NDUFS1: variants seen among roughly 807,000 people sequenced by gnomAD.
NDUFS1 encodes NADH-ubiquinone oxidoreductase 75 kDa subunit, mitochondrial.
NDUFS1 carries 61 observed loss-of-function variants against 84.4 expected under a neutral mutation model. The observed-to-expected ratio is 0.72, with a 90% CI of 0.59 to 0.89. NDUFS1 has a LOEUF of 0.89. NDUFS1 is among the 40% of genes least tolerant of loss of function. The pLI is 0.00. For synonymous variants in NDUFS1, 275 were observed against 290.0 expected, an observed-to-expected ratio of 0.95 and a Z score of 0.53; for missense variants, 891 against 890.0, an observed-to-expected ratio of 1.00 and a Z score of -0.01.
intron 6 of NDUFS1, 25 bp from the exon 7 acceptor site, chr2:206,147,686 A>C: frequency 6.2e-7 from 1 of 1,614,116 alleles, no homozygotes. Flanking sequence ...GAAAGAGTCA[A>C]TCTCATGCTG....
Position 206,131,011 on chromosome 2 carries a change from T to C in NDUFS1, c.1554-769A>G, listed in dbSNP as rs193133689. On this transcript the variant is annotated intron_variant, in intron 14 of 18. Transcript: ENST00000233190. Reference sequence around the variant, plus strand: ...CTTATAGAAATTTTTTCTACGAATATATATTACTCTTATAAGCACAAAATA... The same window carrying C: ...CTTATAGAAATTTTTTCTACGAATACATATTACTCTTATAAGCACAAAATA... Among the ~76,000 whole-genome samples the C allele has an allele frequency of 8.3e-4, 126 of 152,314 alleles. 1 individual carries two copies. The highest frequency in any genetic ancestry group is 6.3e-3 in the Admixed American group (96 of 15,294).
chr2:206,131,482 T>C (rs1691508376), intron 14 of NDUFS1, among the ~76,000 whole-genome samples: 1 of 152,130 alleles, frequency 6.6e-6, no homozygotes, highest in South Asian at 2.1e-4. Flanking sequence ...GTATTCACAG[T>C]ATAATTTCAC....
At chr2:206,143,855 T>A (rs1039213672) in intron 10 of NDUFS1, among the ~76,000 whole-genome samples, 163 bp downstream of exon 10, 3 of 152,198 alleles carry the variant, frequency 2.0e-5, no homozygotes, top group African/African-American at 7.2e-5. Flanking sequence ...AATAGCATAA[T>A]ATCTAGCATA....
At chr2:206,135,951 CAT>C (rs1237659494) in intron 13 of NDUFS1, among the ~76,000 whole-genome samples, 2 of 151,976 alleles carry the variant, frequency 1.3e-5, no homozygotes, top group Non-Finnish European at 2.9e-5. Flanking sequence ...CACACAATCA[CAT>C]GTGAGCAAGC....
chr2:206,138,467 C>G lies in NDUFS1; in HGVS notation c.1392+18G>C, dbSNP rs369413349. 1 of 1,610,020 alleles carries G rather than the reference C, an allele frequency of 6.2e-7. No individual in the cohort carries two copies. The highest frequency in any genetic ancestry group is 1.1e-5 in the South Asian group (1 of 90,982). On this transcript the variant is annotated intron_variant, in intron 13 of 18. Coordinates refer to ENST00000233190, the MANE Select transcript of NDUFS1 (RefSeq NM_005006.7). ...AATTAAAAATCAACAAGAGTAGATA[C>G]ACATAAGTTGAGAGCACCTGGCTAA...
chr2:206,156,694 A>C (rs1476682442), intron 1 of NDUFS1, among the ~76,000 whole-genome samples: 4 of 152,256 alleles, frequency 2.6e-5, no homozygotes, highest in Non-Finnish European at 5.9e-5. Flanking sequence ...GGTTTTAAGC[A>C]CAAAATTCTG....
In NDUFS1 at chr2:206,144,904, G is replaced by C. The variant is rs863224096; in HGVS notation, c.860C>G (p.Ser287Cys). The change falls in exon 9 of 19, where the codon TCT becomes TGT. Residue 287 changes from serine to cysteine, a missense_variant. Ser to Cys is a moderately radical substitution (Grantham distance 112). Transcript: ENST00000233190. ...ATATAGCATATACCTGGTTTTATCA[G>C]AGATCCACTCTTCATTGATGTCCTC... ...MHEDINEEWI[S>C]DKTRFAYDGL... 6.2e-7 allele frequency: 1 copy of C among 1,613,976 alleles called. No homozygotes were observed. Among genetic ancestry groups the C allele is most frequent in the Non-Finnish European group, 8.5e-7 (1 of 1,179,962 alleles).
chr2:206,153,952 G>A (rs866306308), intron 1 of NDUFS1, among the ~76,000 whole-genome samples: 7 of 152,222 alleles, frequency 4.6e-5, no homozygotes, highest in African/African-American at 1.4e-4. Flanking sequence ...AAAAAAAAAT[G>A]ACATAGAAAG....
intron 13 of NDUFS1, 80 bp downstream of exon 13, chr2:206,138,405 A>G (rs968417405): frequency 1.3e-6 from 2 of 1,512,916 alleles, no homozygotes; most frequent in Non-Finnish European, 1.8e-6. Context: ...ACACTTACAT[A>G]GGATTATTAC....
chr2:206,122,633 A>AAAAAAAAAAAAAAC lies in NDUFS1; in HGVS notation c.*1551_*1552insGTTTTTTTTTTTTT, dbSNP rs1691133662. ...TGACAGAGTAAGACTCCATCTCAAA[A>AAAAAAAAAAAAAAC]AAAAAAAAAAAACAAAGGGAAAAAG... is the stretch of plus-strand genomic sequence containing the variant. On this transcript the variant is annotated 3_prime_UTR_variant, in exon 19 of 19. Coordinates refer to ENST00000233190, the MANE Select transcript of NDUFS1 (RefSeq NM_005006.7). 6.6e-6 allele frequency: 1 copy of AAAAAAAAAAAAAAC among 151,332 alleles called. No homozygotes were observed. Among genetic ancestry groups the AAAAAAAAAAAAAAC allele is most frequent in the African/African-American group, 2.4e-5 (1 of 41,104 alleles). 9.4% of individuals were successfully genotyped at this position (151,332 alleles called of 1,614,324 possible).
At chr2:206,146,702 T>A (rs968547603) in intron 8 of NDUFS1, among the ~76,000 whole-genome samples, 2 of 152,214 alleles carry the variant, frequency 1.3e-5, no homozygotes, top group Non-Finnish European at 2.9e-5. Context: ...ACTTTAGAAT[T>A]AATTTCCAAG....
At chr2:206,128,090 A>G in intron 15 of NDUFS1, 118 bp from the exon 16 acceptor site, 1 of 1,125,750 alleles carries the variant, frequency 8.9e-7, no homozygotes, top group Non-Finnish European at 1.3e-6. Flanking sequence ...AAGTTTTTAA[A>G]ACTAAAATGA....
In NDUFS1 at chr2:206,152,519, C is replaced by T. The variant is rs754254930; in HGVS notation, c.62-9G>A. 5 of 1,612,398 alleles carry T rather than the reference C, an allele frequency of 3.1e-6. No individual in the cohort carries two copies. Among genetic ancestry groups the T allele is most frequent in the Non-Finnish European group, 4.2e-6 (5 of 1,178,496 alleles). ...TGTGGCAGTTGTTCGAACTGACCAT[C>T]AAAGATATTGAAGCGAAAAACAGAT... On this transcript the variant is annotated splice_polypyrimidine_tract_variant and intron_variant, in intron 2 of 18. Coordinates refer to ENST00000233190, the MANE Select transcript of NDUFS1 (RefSeq NM_005006.7).
intron 12 of NDUFS1, among the ~76,000 whole-genome samples, chr2:206,139,962 C>CA (rs1304240115): frequency 7.7e-6 from 1 of 130,120 alleles, no homozygotes; most frequent in Non-Finnish European, 1.7e-5. Flanking sequence ...CCTGAGGAAA[C>CA]AAAAAAATTG....
intron 1 of NDUFS1, chr2:206,159,000 A>G: frequency 1.5e-6 from 2 of 1,341,748 alleles, no homozygotes; most frequent in African/African-American, 1.4e-5. Flanking sequence ...AAGTCATCGG[A>G]CACTGGTCCT....
chr2:206,119,450 C>T lies in NDUFS1; in HGVS notation c.*4735G>A, dbSNP rs1691036929. 3 of 152,216 alleles carry T rather than the reference C, an allele frequency of 2.0e-5. No homozygotes were observed. Among genetic ancestry groups the T allele is most frequent in the Middle Eastern group, 6.8e-3 (2 of 294 alleles). 9.4% of individuals were successfully genotyped at this position (152,216 alleles called of 1,614,324 possible). ...TTTCAGACAGAGTCTCACTCTGTCA[C>T]CCAGGCTGGAGTGCAACGGTGCAAT... On this transcript the variant is annotated 3_prime_UTR_variant, in exon 19 of 19. Coordinates refer to ENST00000233190, the MANE Select transcript of NDUFS1 (RefSeq NM_005006.7).
chr2:206,138,996 G>A (rs71429711), intron 12 of NDUFS1, among the ~76,000 whole-genome samples: 1 of 151,930 alleles, frequency 6.6e-6, no homozygotes, highest in African/African-American at 2.4e-5. Context: ...CATGCCTGTA[G>A]TCCCAGCTAC....
chr2:206,142,640 CTA>C (rs1491127686), intron 11 of NDUFS1, 44 bp downstream of exon 11: 2 of 1,610,620 alleles, frequency 1.2e-6, no homozygotes, highest in Admixed American at 3.4e-5. Context: ...TAACTTGTAA[CTA>C]AAAAAAGAAA....
intron 1 of NDUFS1, among the ~76,000 whole-genome samples, chr2:206,158,885 CAACA>C (rs1443566273): frequency 7.9e-5 from 12 of 152,180 alleles, no homozygotes; most frequent in Admixed American, 2.6e-4. Flanking sequence ...CAAACAAGGA[CAACA>C]AACAGAAGCG....
Sources: allele counts gnomAD v4.1 joint callset (sites outside exome capture counted in the v4.1 genomes callset), GRCh38; gene constraint gnomAD v4.1.1; transcripts MANE v1.5; gene names NCBI Gene and HGNC (gene_info 2026-07-23, HGNC 2026-07-21).